SOX5: variants seen among roughly 807,000 people sequenced by gnomAD.
SOX5 encodes the protein SRY-box transcription factor 5, also known as transcription factor SOX-5.
In SOX5, 9 loss-of-function variants were observed where a neutral mutation model predicts 92.0. The observed-to-expected ratio is 0.10, with a 90% CI of 0.06 to 0.17. SOX5 has a LOEUF of 0.17. Ranked by LOEUF, SOX5 falls within the 10% of genes least tolerant of loss-of-function variation. The pLI is 1.00. For synonymous variants in SOX5, 344 were observed against 336.3 expected, an observed-to-expected ratio of 1.02 and a Z score of -0.25; for missense variants, 642 against 944.5, an observed-to-expected ratio of 0.68 and a Z score of 4.20.
chr12:24,124,031 T>C lies in SOX5; in HGVS notation c.-2+89312A>G, dbSNP rs537117589. 4.6e-5 allele frequency among the ~76,000 whole-genome samples: 7 copies of C among 152,358 alleles called. No homozygotes were observed. The South Asian group carries it at 1.5e-3, about 32-fold the overall frequency. On this transcript the variant is annotated intron_variant, in intron 4 of 4. Coordinates refer to the SOX5 transcript ENST00000446891. ...ATTGCATGGCTGGTTAAAATACTTCTGTGGAGCTTCATTTTGGAAAGAAAT... is the reference window on the plus strand; with the variant it reads ...ATTGCATGGCTGGTTAAAATACTTCCGTGGAGCTTCATTTTGGAAAGAAAT...
rs568501402 is a variant in SOX5, at chr12:24,540,528, G to A, written c.-251+21801C>T. On this transcript the variant is annotated intron_variant, in intron 1 of 4. Coordinates refer to the SOX5 transcript ENST00000446891. ...TGGTGACAAATTTCATAATTTGAAAGTCAATTTTAGCCATTTTCATCATTT... is the reference window on the plus strand; with the variant it reads ...TGGTGACAAATTTCATAATTTGAAAATCAATTTTAGCCATTTTCATCATTT... Among the ~76,000 whole-genome samples, 5 of 152,206 alleles carry A rather than the reference G, an allele frequency of 3.3e-5. No individual in the cohort carries two copies. The East Asian group carries it at 7.7e-4, about 23-fold the overall frequency.
chr12:24,251,669 T>C (rs986427940), intron 3 of SOX5, among the ~76,000 whole-genome samples: 10 of 151,896 alleles, frequency 6.6e-5, no homozygotes, highest in African/African-American at 2.4e-4. Context: ...CCTCCTGGGT[T>C]CAAGCGATTC....
At chr12:23,955,823 C>T (rs1946224110), upstream of SOX5, among the ~76,000 whole-genome samples, 1 of 151,946 alleles carries the variant, frequency 6.6e-6, no homozygotes, top group South Asian at 2.1e-4. Context: ...GTGCTCTTGG[C>T]CTTCAAACTT....
At chr12:24,206,372 A>C (rs904532600) in intron 4 of SOX5, among the ~76,000 whole-genome samples, 16 of 152,178 alleles carry the variant, frequency 1.1e-4, no homozygotes, top group Admixed American at 9.8e-4. Flanking sequence ...GCACAGGAAA[A>C]GTGATGGCAG....
intron 1 of SOX5, among the ~76,000 whole-genome samples, chr12:24,378,611 C>A (rs1004048843): frequency 6.6e-6 from 1 of 152,178 alleles, no homozygotes; most frequent in Non-Finnish European, 1.5e-5. Context: ...TTCCGCTTGA[C>A]TCCTATTTTG....
chr12:24,183,479 C>T (rs903665916), intron 4 of SOX5, among the ~76,000 whole-genome samples: 1 of 152,062 alleles, frequency 6.6e-6, no homozygotes, highest in African/African-American at 2.4e-5. Context: ...ACTAAGCTGT[C>T]CTGGCATATA....
At chr12:23,759,176 T>C (rs2094498411) in intron 3 of SOX5, among the ~76,000 whole-genome samples, 1 of 151,976 alleles carries the variant, frequency 6.6e-6, no homozygotes, top group Non-Finnish European at 1.5e-5. Context: ...GGGTAACACA[T>C]ATGTATGAGC....
chr12:23,557,975 C>CAAAAA (rs371140908), intron 11 of SOX5, among the ~76,000 whole-genome samples: 1 of 113,078 alleles, frequency 8.8e-6, no homozygotes. Context: ...GACTCCGCCT[C>CAAAAA]AAAAAAAAAA....
rs1022153918 is a variant in SOX5, at chr12:23,983,938, C to T, written c.-1-87914G>A. On this transcript the variant is annotated intron_variant, in intron 4 of 4. Transcript: ENST00000446891. ...CAACAAAATAAACCTCAATGTGCAGCTTGGGAAATCCAAATCCACCTGAAT... is the reference window on the plus strand; with the variant it reads ...CAACAAAATAAACCTCAATGTGCAGTTTGGGAAATCCAAATCCACCTGAAT... Among the ~76,000 whole-genome samples, 72 of 152,222 alleles carry T rather than the reference C, an allele frequency of 4.7e-4. 1 individual carries two copies. The highest frequency in any genetic ancestry group is 1.6e-3 in the African/African-American group (67 of 41,540).
intron 2 of SOX5, among the ~76,000 whole-genome samples, chr12:23,873,427 A>C (rs1231512756): frequency 6.6e-6 from 1 of 152,202 alleles, no homozygotes; most frequent in Non-Finnish European, 1.5e-5. Context: ...GAGCCAAGAT[A>C]GTGCCACTGT....
intron 6 of SOX5, among the ~76,000 whole-genome samples, chr12:23,691,404 T>C (rs996140878): frequency 6.6e-6 from 1 of 152,202 alleles, no homozygotes; most frequent in Non-Finnish European, 1.5e-5. Context: ...AATTAGAAGT[T>C]ATTCTCTCTT....
At chr12:23,734,251 T>C (rs920685897) in intron 6 of SOX5, among the ~76,000 whole-genome samples, 3 of 152,142 alleles carry the variant, frequency 2.0e-5, no homozygotes, top group Non-Finnish European at 4.4e-5. Context: ...ATTATTACCA[T>C]CCCTATGTTC....
chr12:24,525,428 A>G (rs1950615228), intron 1 of SOX5, among the ~76,000 whole-genome samples: 1 of 152,242 alleles, frequency 6.6e-6, no homozygotes, highest in Non-Finnish European at 1.5e-5. Flanking sequence ...CCAGTTAAGC[A>G]GGATGAATGA....
intron 1 of SOX5, among the ~76,000 whole-genome samples, chr12:24,508,123 G>T (rs371162199): frequency 6.6e-6 from 1 of 152,128 alleles, no homozygotes; most frequent in Admixed American, 6.5e-5. Context: ...TACCCTGTAG[G>T]ATATGGGAAA....
At chr12:24,462,367 G>A (rs931432136) in intron 1 of SOX5, among the ~76,000 whole-genome samples, 13 of 152,244 alleles carry the variant, frequency 8.5e-5, no homozygotes, top group African/African-American at 2.6e-4. Flanking sequence ...TGAAGAAAAC[G>A]TCATTATGCA....
chr12:24,036,432 G>A (rs1397151392), intron 4 of SOX5, among the ~76,000 whole-genome samples: 1 of 152,116 alleles, frequency 6.6e-6, no homozygotes, highest in Non-Finnish European at 1.5e-5. Flanking sequence ...ATACTGCGAA[G>A]GTATACAGGG....
intron 1 of SOX5, among the ~76,000 whole-genome samples, chr12:24,419,954 A>G (rs1024650971): frequency 3.9e-5 from 6 of 152,252 alleles, no homozygotes; most frequent in African/African-American, 1.4e-4. Flanking sequence ...ACTGTGAAAG[A>G]AGACTCTGCT....
chr12:24,414,313 T>C (rs537645754), intron 1 of SOX5, among the ~76,000 whole-genome samples: 5 of 152,348 alleles, frequency 3.3e-5, no homozygotes, highest in African/African-American at 1.2e-4. Flanking sequence ...AAATTGCCTC[T>C]ACTTAGATGC....
intron 4 of SOX5, among the ~76,000 whole-genome samples, chr12:24,207,028 A>G (rs989621653): frequency 2.0e-5 from 3 of 152,184 alleles, no homozygotes; most frequent in Non-Finnish European, 4.4e-5. Context: ...TCTTCTAACG[A>G]GCACTTCTGT....
Sources: gnomAD v4.1 joint callset for allele counts (sites outside exome capture counted in the v4.1 genomes callset) on GRCh38, gnomAD v4.1.1 for gene constraint, MANE v1.5 for transcripts, NCBI Gene and HGNC (gene_info 2026-07-23, HGNC 2026-07-21) for gene names.